Variants in CPTP observed in about 807,000 individuals in gnomAD.
CPTP encodes the protein GLTP domain-containing protein 1.
CPTP carries 5 observed loss-of-function variants against 5.7 expected under a neutral mutation model. That is an observed-to-expected ratio of 0.88 (90% CI 0.46 to 1.86). The LOEUF is 1.86. Ranked by LOEUF, CPTP falls within the 40% of genes most tolerant of loss-of-function variation. The pLI, the probability that CPTP is intolerant of heterozygous loss-of-function variation, is 0.01. For missense variants in CPTP, 335 were observed against 306.5 expected, an observed-to-expected ratio of 1.09 and a Z score of -0.69; for synonymous variants, 166 against 142.7, an observed-to-expected ratio of 1.16 and a Z score of -1.16.
chr1:1,324,948 C>T lies in CPTP; in HGVS notation c.-230C>T, dbSNP rs1643255187. ...TAGAGGGCCGGAGCGGGCGGGCGGC[C>T]GAGGACCCGGCTCCCGCGCAGGACG... On this transcript the variant is annotated 5_prime_UTR_variant, in exon 1 of 3. Transcript: ENST00000343938. 1.7e-5 allele frequency: 5 copies of T among 293,384 alleles called. No individual in the cohort carries two copies. Among genetic ancestry groups the T allele is most frequent in the Non-Finnish European group, 2.5e-5 (4 of 159,016 alleles). 18.2% of individuals were successfully genotyped at this position (293,384 alleles called of 1,614,324 possible). A position where few individuals can be genotyped will look rare whatever the true frequency, so the allele number is the denominator to read the frequency against.
rs1643322876 is a variant in CPTP, at chr1:1,327,032, G to A, written c.122G>A (p.Arg41Lys). 6.2e-7 allele frequency: 1 copy of A among 1,612,958 alleles called. No homozygotes were observed. The highest frequency in any genetic ancestry group is 1.7e-5 in the Admixed American group (1 of 59,992). ...PYIASWKGLV[R>K]FLNSLGTIFS... ...ATTGCCAGCTGGAAGGGCCTGGTCA[G>A]GTGCGTGTGCCAGGGCTGCCTCCTG... is the stretch of plus-strand genomic sequence containing the variant. Residue 41 changes from arginine (R) to lysine (K), a missense_variant and splice_region_variant, in exon 2 of 3, where the codon AGG becomes AAG. Physicochemically the swap from Arg to Lys is conservative, Grantham distance 26. Coordinates refer to ENST00000343938, the MANE Select transcript of CPTP (RefSeq NM_001029885.2).
At position 1,327,855 on chromosome 1, in the gene CPTP, G is replaced by T; in HGVS notation, c.*92G>T. 3 of 1,388,422 alleles carry T rather than the reference G, an allele frequency of 2.2e-6. No homozygotes were observed. Among genetic ancestry groups the T allele is most frequent in the South Asian group, 2.4e-5 (2 of 83,288 alleles). 86.0% of individuals were successfully genotyped at this position (1,388,422 alleles called of 1,614,324 possible). The stretch of plus-strand genomic sequence containing the variant: ...AGTCCCGTGGCAGAGCCTTCTGGGC[G>T]CTGCGGGAACAGGAGATCCTCTGTC... On this transcript the variant is annotated 3_prime_UTR_variant, in exon 3 of 3. Coordinates refer to ENST00000343938, the MANE Select transcript of CPTP (RefSeq NM_001029885.2).
intron 1 of CPTP, chr1:1,325,366 C>G (rs1193068581): frequency 6.6e-6 from 1 of 152,402 alleles, no homozygotes; most frequent in Non-Finnish European, 1.5e-5. Context: ...GAGCCACCAG[C>G]CACAGCTCTG....
chr1:1,327,323 G>C lies in CPTP; in HGVS notation c.205G>C (p.Gly69Arg), dbSNP rs975898400. 1.3e-6 allele frequency: 2 copies of C among 1,598,036 alleles called. No homozygotes were observed. The highest frequency in any genetic ancestry group is 1.3e-5 in the African/African-American group (1 of 74,872). The change falls in exon 3 of 3, where the codon GGC becomes CGC. Residue 69 changes from glycine to arginine, a missense_variant. Transcript: ENST00000343938. ...SKLRIMERLR[G>R]GPQSEHYRSL... ...GCTGCGGATCATGGAGCGCCTCAGG[G>C]GCGGCCCGCAGAGCGAGCACTACCG...
intron 1 of CPTP, among the ~76,000 whole-genome samples, chr1:1,326,061 A>C (rs1400962426): frequency 6.6e-6 from 1 of 152,082 alleles, no homozygotes; most frequent in Non-Finnish European, 1.5e-5. Flanking sequence ...CTGTGGAGTG[A>C]CTATGTGAAT....
Position 1,327,249 on chromosome 1 carries a change from A to G in CPTP, c.131A>G (p.Asn44Ser), listed in dbSNP as rs748846565. ...ASWKGLVRFL[N>S]SLGTIFSFIS... is the part of the protein sequence containing the mutation. The stretch of plus-strand genomic sequence containing the variant: ...CCCGCTCCCTTCCACAGGTTTCTGA[A>G]CAGCCTGGGCACCATCTTCTCATTC... The change falls in exon 3 of 3, where the codon AAC (asparagine) becomes AGC (serine). Residue 44 changes from asparagine to serine, a missense_variant. Transcript: ENST00000343938. The G allele has an allele frequency of 6.3e-7, 1 of 1,596,572 alleles. No individual in the cohort carries two copies. The highest frequency in any genetic ancestry group is 8.5e-7 in the Non-Finnish European group (1 of 1,179,106).
At position 1,327,659 on chromosome 1, in the gene CPTP, G is replaced by A; in HGVS notation, c.541G>A (p.Glu181Lys). The A allele has an allele frequency of 2.5e-6, 4 of 1,612,752 alleles. No individual in the cohort carries two copies. Among genetic ancestry groups the A allele is most frequent in the Non-Finnish European group, 3.4e-6 (4 of 1,179,920 alleles). Residue 181 changes from glutamate to lysine, a missense_variant, in exon 3 of 3, where the codon GAG becomes AAG. Transcript: ENST00000343938. ...GGAGGCCATGAACGTGGGGCCCCCGGAGCAGGCCGTGCAGATGCTAGGCGA... is the reference window on the plus strand; with the variant it reads ...GGAGGCCATGAACGTGGGGCCCCCGAAGCAGGCCGTGCAGATGCTAGGCGA... ...FLEAMNVGPP[E>K]QAVQMLGEAL... is the part of the protein sequence containing the mutation.
At chr1:1,327,181 G>A (rs1392847682) in intron 2 of CPTP, 60 bp from the exon 3 acceptor site, 1 of 1,586,178 alleles carries the variant, frequency 6.3e-7, no homozygotes. Flanking sequence ...AGCGTCCCCT[G>A]CACCCCAGGC....
Position 1,327,526 on chromosome 1 carries a change from G to T in CPTP, c.408G>T (p.Ala136=), listed in dbSNP as rs772702950. The change falls in exon 3 of 3, where the codon GCG becomes GCT. Residue 136 remains alanine (A), a synonymous_variant. Transcript: ENST00000343938. The part of the protein sequence containing the change: ...RTSPEDARTS[A]LCADSYNASL... Reference sequence around the variant, plus strand: ...GCCCCGAGGACGCACGCACCTCCGCGCTCTGCGCCGACTCCTACAACGCCT... The same window carrying T: ...GCCCCGAGGACGCACGCACCTCCGCTCTCTGCGCCGACTCCTACAACGCCT... 4 of 1,581,628 alleles carry T rather than the reference G, an allele frequency of 2.5e-6. No individual in the cohort carries two copies. The Admixed American group carries it at 5.4e-5, about 21-fold the overall frequency.
chr1:1,326,917 G>A lies in CPTP; in HGVS notation c.7G>A (p.Asp3Asn). Residue 3 changes from aspartate (D) to asparagine (N), a missense_variant, in exon 2 of 3, where the codon GAC becomes AAC. Transcript: ENST00000343938. Reference protein sequence around the residue: MDDSETGFNLKVV... With the variant: MDNSETGFNLKVV... ...TTTCCGTTCCTATCAAAAAATGGAT[G>A]ACTCGGAGACAGGTTTCAATCTGAA... is the stretch of plus-strand genomic sequence containing the variant. 2 of 1,613,770 alleles carry A rather than the reference G, an allele frequency of 1.2e-6. No individual in the cohort carries two copies. The highest frequency in any genetic ancestry group is 1.7e-6 in the Non-Finnish European group (2 of 1,179,972).
rs767549577 is a variant in CPTP, at chr1:1,327,756, T to C, written c.638T>C (p.Leu213Pro). 6.2e-7 allele frequency: 1 copy of C among 1,611,738 alleles called. No individual in the cohort carries two copies. Among genetic ancestry groups the C allele is most frequent in the Non-Finnish European group, 8.5e-7 (1 of 1,179,812 alleles). Residue 213 changes from leucine to proline, a missense_variant, in exon 3 of 3, where the codon CTG becomes CCG. Physicochemically the swap from Leu to Pro is moderately conservative, Grantham distance 98. Transcript: ENST00000343938. ...TACGCCGAGCACTCCCTGCTGGACC[T>C]GCCCTAGGGGCGGGAAGCCAGGGCC... is the stretch of plus-strand genomic sequence containing the variant. The part of the protein sequence containing the change: ...KLYAEHSLLD[L>P]P
rs1643346424 is a variant in CPTP, at chr1:1,327,895, A to G, written c.*132A>G. The G allele has an allele frequency of 9.6e-7, 1 of 1,045,398 alleles. No individual in the cohort carries two copies. The highest frequency in any genetic ancestry group is 1.4e-6 in the Non-Finnish European group (1 of 719,988). The allele number at this position is 1,045,398 out of a possible 1,614,324, so 64.8% of individuals were successfully genotyped here. ...GATCCTCTGTCGCCCCTGTGAGCTG[A>G]GCTGGTTAGGAACCACAGACTGTGA... On this transcript the variant is annotated 3_prime_UTR_variant, in exon 3 of 3. Transcript: ENST00000343938.
In CPTP at chr1:1,327,843, A is replaced by C; in HGVS notation, c.*80A>C. 3 of 1,492,144 alleles carry C rather than the reference A, an allele frequency of 2.0e-6. No individual in the cohort carries two copies. The highest frequency in any genetic ancestry group is 2.8e-6 in the Non-Finnish European group (3 of 1,090,254). The allele number at this position is 1,492,144 out of a possible 1,614,324, so 92.4% of individuals were successfully genotyped here. On this transcript the variant is annotated 3_prime_UTR_variant, in exon 3 of 3. Transcript: ENST00000343938. ...GCCAGGGCCGTGAGTCCCGTGGCAG[A>C]GCCTTCTGGGCGCTGCGGGAACAGG...
At chr1:1,327,159 C>T (rs549954077) in intron 2 of CPTP, 82 bp from the exon 3 acceptor site, 8 of 1,584,714 alleles carry the variant, frequency 5.0e-6, no homozygotes, top group East Asian at 2.2e-5. Context: ...TGTGAGCCCC[C>T]GCAGGCTGGG....
Position 1,327,324 on chromosome 1 carries a change from G to A in CPTP, c.206G>A (p.Gly69Asp), listed in dbSNP as rs750252184. 2 of 1,598,086 alleles carry A rather than the reference G, an allele frequency of 1.3e-6. No homozygotes were observed. The highest frequency in any genetic ancestry group is 4.5e-5 in the East Asian group (2 of 44,872). ...CTGCGGATCATGGAGCGCCTCAGGGGCGGCCCGCAGAGCGAGCACTACCGC... is the reference window on the plus strand; with the variant it reads ...CTGCGGATCATGGAGCGCCTCAGGGACGGCCCGCAGAGCGAGCACTACCGC... ...SKLRIMERLR[G>D]GPQSEHYRSL... is the part of the protein sequence containing the mutation. Residue 69 changes from glycine (G) to aspartate (D), a missense_variant, in exon 3 of 3, where the codon GGC (glycine) becomes GAC (aspartate). Physicochemically the swap from Gly to Asp is moderately conservative, Grantham distance 94. Transcript: ENST00000343938.
chr1:1,327,767 C>G lies in CPTP; in HGVS notation c.*4C>G, dbSNP rs754810512. 3 of 1,610,228 alleles carry G rather than the reference C, an allele frequency of 1.9e-6. No individual in the cohort carries two copies. The East Asian group carries it at 6.7e-5, about 36-fold the overall frequency. ...CTCCCTGCTGGACCTGCCCTAGGGG[C>G]GGGAAGCCAGGGCCGCACCGGCTTT... is the stretch of plus-strand genomic sequence containing the variant. On this transcript the variant is annotated 3_prime_UTR_variant, in exon 3 of 3. Transcript: ENST00000343938.
chr1:1,326,469 AGGG>A (rs1643308263), intron 1 of CPTP, among the ~76,000 whole-genome samples: 1 of 152,190 alleles, frequency 6.6e-6, no homozygotes, highest in African/African-American at 2.4e-5. Context: ...GGCTCTCGGC[AGGG>A]GCTTAGTATT....
rs774987075 is a variant in CPTP, at chr1:1,327,259, C to T, written c.141C>T (p.Gly47=). 6.3e-6 allele frequency: 10 copies of T among 1,597,654 alleles called. No homozygotes were observed. The Admixed American group carries it at 6.7e-5, about 11-fold the overall frequency. ...TCCACAGGTTTCTGAACAGCCTGGG[C>T]ACCATCTTCTCATTCATCTCCAAGG... ...KGLVRFLNSL[G]TIFSFISKDV... Residue 47 remains glycine (G), a synonymous_variant, in exon 3 of 3, where the codon GGC becomes GGT. Coordinates refer to ENST00000343938, the MANE Select transcript of CPTP (RefSeq NM_001029885.2).
rs1643336422 is a variant in CPTP at position 1,327,555 on chromosome 1, T to C, written c.437T>C (p.Leu146Pro). The C allele has an allele frequency of 6.3e-7, 1 of 1,598,328 alleles. No homozygotes were observed. The highest frequency in any genetic ancestry group is 1.3e-5 in the African/African-American group (1 of 74,820). ...ALCADSYNAS[L>P]AAYHPWVVRR... is the part of the protein sequence containing the mutation. ...TGCGCCGACTCCTACAACGCCTCGC[T>C]GGCCGCCTACCACCCCTGGGTCGTG... The change falls in exon 3 of 3, where the codon CTG (leucine) becomes CCG (proline). Residue 146 changes from leucine (L) to proline (P), a missense_variant. Coordinates refer to ENST00000343938, the MANE Select transcript of CPTP (RefSeq NM_001029885.2).
Sources: allele counts gnomAD v4.1 joint callset (sites outside exome capture counted in the v4.1 genomes callset), GRCh38; gene constraint gnomAD v4.1.1; transcripts MANE v1.5; gene names NCBI Gene and HGNC (gene_info 2026-07-23, HGNC 2026-07-21).